Variants in DOP1B observed in about 807,000 individuals in gnomAD.
DOP1B encodes the protein DOP1 leucine zipper like protein B, also known as protein DOP1B.
Under a neutral mutation model 233.5 loss-of-function variants are expected in DOP1B, and 174 were observed. The ratio of observed to expected loss-of-function variants is 0.75; its 90% CI spans 0.66 to 0.85. The LOEUF (loss-of-function observed/expected upper bound fraction) is 0.85, where lower values mean the gene tolerates loss of function less well. Among genes scored for constraint, DOP1B ranks in the 40% least tolerant of loss-of-function variants. The probability of loss-of-function intolerance (pLI) is 0.00; values close to 1 mark genes in which losing one functional copy is unlikely to be tolerated. For synonymous variants in DOP1B, 1,190 were observed against 1,185.6 expected, an observed-to-expected ratio of 1.00 and a Z score of -0.08; for missense variants, 2,652 against 2,846.6, an observed-to-expected ratio of 0.93 and a Z score of 1.56.
intron 7 of DOP1B, 91 bp downstream of exon 7, chr21:36,212,188 ATC>A: frequency 1.4e-6 from 2 of 1,392,850 alleles, no homozygotes; most frequent in Admixed American, 5.2e-5. Flanking sequence ...TTGGTGATGT[ATC>A]TCTGAATCAT....
rs398040600 is a variant in DOP1B at position 36,270,552 on chromosome 21, CAAAAAA to C, written c.5632+416_5632+421del. Among the ~76,000 whole-genome samples, 5 of 36,828 alleles carry C rather than the reference CAAAAAA, an allele frequency of 1.4e-4. No individual in the cohort carries two copies. The Admixed American group carries it at 1.9e-3, about 14-fold the overall frequency. 24.2% of individuals were successfully genotyped at this position (36,828 alleles called of 152,430 possible). On this transcript the variant is annotated intron_variant, in intron 27 of 36. Transcript: ENST00000691173. Reference sequence around the variant, plus strand: ...CAGGCGACAAAGCAAGACTCCGTCTCAAAAAAAAAAAAAAAAAAAAAAAAAAGTATT... The same window carrying C: ...CAGGCGACAAAGCAAGACTCCGTCTCAAAAAAAAAAAAAAAAAAAAGTATT...
At chr21:36,206,051 A>G (rs2066422027) in intron 4 of DOP1B, among the ~76,000 whole-genome samples, 1 of 151,602 alleles carries the variant, frequency 6.6e-6, no homozygotes, top group African/African-American at 2.4e-5. Flanking sequence ...TAAACTGCAC[A>G]CTAATATTGG....
rs951488043 is a variant in DOP1B at position 36,249,694 on chromosome 21, G to A, written c.4998+1126G>A. Among the ~76,000 whole-genome samples the A allele has an allele frequency of 1.3e-4, 20 of 152,142 alleles. 1 individual carries two copies. Among genetic ancestry groups the A allele is most frequent in the Admixed American group, 9.8e-4 (15 of 15,266 alleles). On this transcript the variant is annotated intron_variant, in intron 21 of 36. Coordinates refer to ENST00000691173, the MANE Select transcript of DOP1B (RefSeq NM_001320714.2). The stretch of plus-strand genomic sequence containing the variant: ...GTGTCTGCCTCAGAAGGCTGTAGGC[G>A]CAGGACTCGGTCGCTCACCATCTGT...
chr21:36,274,963 G>C (rs889776181), intron 27 of DOP1B, among the ~76,000 whole-genome samples: 1 of 52,322 alleles, frequency 1.9e-5, no homozygotes, highest in African/African-American at 6.8e-5. Flanking sequence ...TTCTGCCTCA[G>C]CCTCCCAAGT....
chr21:36,260,599 C>G (rs1413990243), intron 23 of DOP1B, 78 bp from the exon 24 acceptor site: 1 of 1,589,210 alleles, frequency 6.3e-7, no homozygotes, highest in Non-Finnish European at 8.6e-7. Flanking sequence ...GGCTATAGAT[C>G]TGTTTCATTT....
chr21:36,258,889 A>G (rs2123629358), intron 23 of DOP1B, among the ~76,000 whole-genome samples: 1 of 151,640 alleles, frequency 6.6e-6, no homozygotes, highest in South Asian at 2.1e-4. Context: ...AAGGACCCGG[A>G]TGACTTCCAC....
At chr21:36,277,843 T>C in intron 28 of DOP1B, 132 bp from the exon 29 acceptor site, 1 of 674,664 alleles carries the variant, frequency 1.5e-6, no homozygotes, top group Non-Finnish European at 2.6e-6. Context: ...GGTTTCACCA[T>C]GTTGGCCAGA....
chr21:36,165,796 A>G (rs1366116376), intron 2 of DOP1B, among the ~76,000 whole-genome samples: 3 of 150,116 alleles, frequency 2.0e-5, no homozygotes, highest in Non-Finnish European at 3.0e-5. Context: ...GCTGACTGCA[A>G]CCTCCACCTC....
intron 2 of DOP1B, among the ~76,000 whole-genome samples, chr21:36,191,180 AGT>A (rs1363979458): frequency 6.6e-6 from 1 of 151,724 alleles, no homozygotes; most frequent in Non-Finnish European, 1.5e-5. Context: ...GGAGCGGAAG[AGT>A]GTCGTTGGGG....
intron 23 of DOP1B, among the ~76,000 whole-genome samples, chr21:36,256,815 A>C (rs1354561976): frequency 6.6e-6 from 1 of 152,196 alleles, no homozygotes; most frequent in Admixed American, 6.5e-5. Context: ...ATCAACACAG[A>C]AGACTTCTCT....
At chr21:36,192,939 T>C (rs909758170) in intron 2 of DOP1B, among the ~76,000 whole-genome samples, 4 of 152,114 alleles carry the variant, frequency 2.6e-5, no homozygotes, top group East Asian at 3.9e-4. Flanking sequence ...CTGCCCACCT[T>C]GGCCTCCCAA....
chr21:36,257,566 C>T (rs927333568), intron 23 of DOP1B, among the ~76,000 whole-genome samples: 3 of 150,452 alleles, frequency 2.0e-5, no homozygotes, highest in African/African-American at 4.9e-5. Flanking sequence ...CAGACAAACA[C>T]GTAAAAACAT....
Position 36,169,751 on chromosome 21 carries a change from T to G in DOP1B, c.138+4880T>G, listed in dbSNP as rs887439795. On this transcript the variant is annotated intron_variant, in intron 2 of 36. Transcript: ENST00000691173. ...GCTGCTGAAGTCTTCTCCAGCTGCT[T>G]CTTGCCATCCTCATCCTGCCATTTC... The G allele has an allele frequency of 1.5e-5, 19 of 1,229,984 alleles. No homozygotes were observed. The African/African-American group carries it at 2.4e-4, about 15-fold the overall frequency. The allele number at this position is 1,229,984 out of a possible 1,614,324, so 76.2% of individuals were successfully genotyped here.
rs116898768 is a variant in DOP1B, at chr21:36,229,620, C to A, written c.1666-830C>A. Among the ~76,000 whole-genome samples the A allele has an allele frequency of 7.3e-5, 11 of 151,352 alleles. No homozygotes were observed. In the East Asian group the frequency reaches 1.9e-3, roughly 27 times the overall value. On this transcript the variant is annotated intron_variant, in intron 13 of 36. Coordinates refer to ENST00000691173, the MANE Select transcript of DOP1B (RefSeq NM_001320714.2). ...ACTTCAACCTATTTTTGGGGGACAC[C>A]GTTCAACCCATAACGTACACTATTC...
intron 2 of DOP1B, among the ~76,000 whole-genome samples, chr21:36,171,798 T>C (rs1271983912): frequency 6.6e-6 from 1 of 152,172 alleles, no homozygotes; most frequent in Non-Finnish European, 1.5e-5. Context: ...AGCCCTAGAA[T>C]GCTATGACAG....
chr21:36,235,300 C>T lies in DOP1B; in HGVS notation c.2623-1962C>T, dbSNP rs553990227. On this transcript the variant is annotated intron_variant, in intron 15 of 36. Coordinates refer to ENST00000691173, the MANE Select transcript of DOP1B (RefSeq NM_001320714.2). ...AGCTCACATACCAGAGTTCCTGCTT[C>T]CCACAGTGCAAACAAGAAAAGGTCA... 8.5e-5 allele frequency among the ~76,000 whole-genome samples: 13 copies of T among 152,222 alleles called. No individual in the cohort carries two copies. The South Asian group carries it at 2.7e-3, about 32-fold the overall frequency.
At chr21:36,256,539 A>C (rs1382211122) in intron 23 of DOP1B, among the ~76,000 whole-genome samples, 1 of 152,174 alleles carries the variant, frequency 6.6e-6, no homozygotes, top group African/African-American at 2.4e-5. Flanking sequence ...AGCATTATTC[A>C]CAGCAGCCAA....
chr21:36,162,309 C>G (rs1217979535), intron 1 of DOP1B, among the ~76,000 whole-genome samples: 1 of 152,198 alleles, frequency 6.6e-6, no homozygotes, highest in Non-Finnish European at 1.5e-5. Context: ...ATCCTCCCAA[C>G]TCAGACTCCT....
chr21:36,260,133 G>A lies in DOP1B; in HGVS notation c.5260-544G>A, dbSNP rs1180820176. Among the ~76,000 whole-genome samples the A allele has an allele frequency of 4.8e-5, 7 of 147,268 alleles. No individual in the cohort carries two copies. In the East Asian group the frequency reaches 1.4e-3, roughly 30 times the overall value. On this transcript the variant is annotated intron_variant, in intron 23 of 36. Coordinates refer to ENST00000691173, the MANE Select transcript of DOP1B (RefSeq NM_001320714.2). ...ATTGCACCAGTGTACTCCAGCCTGG[G>A]CAACAGAGCAAGACTCTTGTAAAAA... is the stretch of plus-strand genomic sequence containing the variant.
Sources: gnomAD v4.1 joint callset for allele counts (sites outside exome capture counted in the v4.1 genomes callset) on GRCh38, gnomAD v4.1.1 for gene constraint, MANE v1.5 for transcripts, NCBI Gene and HGNC (gene_info 2026-07-23, HGNC 2026-07-21) for gene names.